Variants in SRPK2 observed in about 807,000 individuals in gnomAD.
The protein encoded by SRPK2 is SFRS protein kinase 2.
In SRPK2, 21 loss-of-function variants were observed where a neutral mutation model predicts 90.8. The ratio of observed to expected loss-of-function variants is 0.23; its 90% confidence interval spans 0.16 to 0.33. The LOEUF (loss-of-function observed/expected upper bound fraction) is 0.33, where lower values mean the gene tolerates loss of function less well. SRPK2 is among the 10% of genes least tolerant of loss of function. SRPK2 has a pLI of 1.00. For synonymous variants in SRPK2, 288 were observed against 311.1 expected (o/e 0.93, Z 0.78); for missense variants, 620 against 869.0 (o/e 0.71, Z 3.60).
chr7:105,330,820 A>C (rs868693660), intron 2 of SRPK2, among the ~76,000 whole-genome samples: 3 of 148,960 alleles, frequency 2.0e-5, no homozygotes, highest in African/African-American at 7.4e-5. Flanking sequence ...GTCTCTATTT[A>C]AAAAAAAAAG....
In SRPK2 at chr7:105,167,381, C is replaced by A. The variant is rs745479890; in HGVS notation, c.510G>T (p.Gly170=). 6.2e-7 allele frequency: 1 copy of A among 1,610,552 alleles called. No individual in the cohort carries two copies. The stretch of plus-strand genomic sequence containing the variant: ...AAATCAGGAAGTAAAGGATACGTAT[C>A]CCATTCATGCCTGAAATCTTGAAGT... ...IDDFKISGMN[G]IHVCMVFEVL... The change falls in exon 6 of 16, where the codon GGG becomes GGT. Residue 170 remains glycine, a synonymous_variant. Transcript: ENST00000393651.
intron 2 of SRPK2, chr7:105,301,883 A>C: frequency 2.5e-6 from 4 of 1,597,068 alleles, no homozygotes; most frequent in Non-Finnish European, 3.4e-6. Context: ...TAATTCCACA[A>C]CATCGATAAG....
chr7:105,346,526 C>T lies in SRPK2; in HGVS notation c.71+42122G>A, dbSNP rs529309491. Among the ~76,000 whole-genome samples the T allele has an allele frequency of 2.0e-3, 301 of 152,150 alleles. 2 individuals carry two copies. Among genetic ancestry groups the T allele is most frequent in the African/African-American group, 6.6e-3 (273 of 41,500 alleles). ...ATCCCAGCACTTTAGGAGGGCAAGG[C>T]GGGCGGATCACGAGGTCAGGAGTTC... On this transcript the variant is annotated intron_variant, in intron 2 of 15. Transcript: ENST00000393651.
intron 2 of SRPK2, among the ~76,000 whole-genome samples, chr7:105,269,513 T>C (rs1295049828): frequency 6.6e-6 from 1 of 152,164 alleles, no homozygotes; most frequent in Non-Finnish European, 1.5e-5. Flanking sequence ...TCCTTAGCAG[T>C]ACAGTACAAG....
intron 7 of SRPK2, among the ~76,000 whole-genome samples, chr7:105,151,893 G>A (rs1411505281): frequency 6.6e-6 from 1 of 151,852 alleles, no homozygotes; most frequent in Admixed American, 6.6e-5. Context: ...GCATGGTGGT[G>A]CATGCCTGTA....
chr7:105,255,442 G>C (rs563302234), intron 2 of SRPK2, among the ~76,000 whole-genome samples: 2 of 152,162 alleles, frequency 1.3e-5, no homozygotes, highest in South Asian at 4.1e-4. Flanking sequence ...ATATTTCCTG[G>C]GGGGAGGGTA....
downstream of SRPK2, chr7:105,116,290 T>TA (rs1354345487): frequency 6.6e-6 from 1 of 152,250 alleles, no homozygotes; most frequent in Non-Finnish European, 1.5e-5. Context: ...GCAACAGGAA[T>TA]GCTGGTATTT....
chr7:105,267,690 A>G lies in SRPK2; in HGVS notation c.72-63905T>C, dbSNP rs183817368. Among the ~76,000 whole-genome samples the G allele has an allele frequency of 1.2e-3, 187 of 152,340 alleles. 1 individual carries two copies. Among genetic ancestry groups the G allele is most frequent in the African/African-American group, 4.3e-3 (178 of 41,592 alleles). On this transcript the variant is annotated intron_variant, in intron 2 of 15. Transcript: ENST00000393651. ...TACTAATAAATCAATTTAAAATGATAATTTTACATCAGATTATGTCCTTCA... is the reference window on the plus strand; with the variant it reads ...TACTAATAAATCAATTTAAAATGATGATTTTACATCAGATTATGTCCTTCA...
At chr7:105,235,609 CCT>C (rs1399137653) in intron 2 of SRPK2, among the ~76,000 whole-genome samples, 3 of 152,138 alleles carry the variant, frequency 2.0e-5, no homozygotes, top group Admixed American at 6.6e-5. Flanking sequence ...ACAAATATAT[CCT>C]CTCTATATCA....
At chr7:105,351,818 AAGAAG>A (rs1428211102) in intron 2 of SRPK2, among the ~76,000 whole-genome samples, 5 of 131,210 alleles carry the variant, frequency 3.8e-5, no homozygotes, top group African/African-American at 2.0e-4. Flanking sequence ...AAAAAAAAAA[AAGAAG>A]AAGAAGAAGA....
At chr7:105,384,868 T>G (rs1195478425) in intron 2 of SRPK2, among the ~76,000 whole-genome samples, 10 of 148,008 alleles carry the variant, frequency 6.8e-5, no homozygotes, top group African/African-American at 9.9e-5. Flanking sequence ...CAATCTATTC[T>G]CCACATAGCA....
intron 2 of SRPK2, among the ~76,000 whole-genome samples, chr7:105,282,886 C>T (rs1352749177): frequency 7.9e-5 from 7 of 88,334 alleles, no homozygotes; most frequent in Admixed American, 1.2e-4. Flanking sequence ...TTGTAAATCA[C>T]GTAACTGATA....
At chr7:105,211,331 G>A (rs1448570882) in intron 2 of SRPK2, among the ~76,000 whole-genome samples, 1 of 152,056 alleles carries the variant, frequency 6.6e-6, no homozygotes, top group Non-Finnish European at 1.5e-5. Flanking sequence ...GGGAATAGGA[G>A]TATCTTATTC....
At chr7:105,282,283 C>T (rs189742855) in intron 2 of SRPK2, among the ~76,000 whole-genome samples, 1 of 152,146 alleles carries the variant, frequency 6.6e-6, no homozygotes, top group African/African-American at 2.4e-5. Context: ...GAGAATGAAG[C>T]CAGAGTTCCC....
At chr7:105,153,394 G>T (rs2237606) in intron 7 of SRPK2, among the ~76,000 whole-genome samples, 126,754 of 152,108 alleles carry the variant, frequency 0.83, 53,470 homozygotes, top group Non-Finnish European at 0.88. Flanking sequence ...CTCAAAGCTT[G>T]CTTTCTGTAC....
At chr7:105,376,071 G>A (rs1448854267) in intron 2 of SRPK2, among the ~76,000 whole-genome samples, 1 of 120,958 alleles carries the variant, frequency 8.3e-6, no homozygotes, top group Non-Finnish European at 1.6e-5. Context: ...TCAGCTCAAT[G>A]CAAGCTCCGC....
At chr7:105,157,902 T>C (rs1806769872) in intron 7 of SRPK2, among the ~76,000 whole-genome samples, 1 of 151,968 alleles carries the variant, frequency 6.6e-6, no homozygotes, top group Admixed American at 6.6e-5. Context: ...ACCCCGTCTC[T>C]ACAAAAAAAT....
At chr7:105,350,986 T>G (rs1201357069) in intron 2 of SRPK2, among the ~76,000 whole-genome samples, 1 of 152,158 alleles carries the variant, frequency 6.6e-6, no homozygotes, top group South Asian at 2.1e-4. Context: ...TGTGATATGA[T>G]TTGAATGTTT....
chr7:105,136,503 G>A lies in SRPK2; in HGVS notation c.1544-3399C>T, dbSNP rs192131309. Among the ~76,000 whole-genome samples the A allele has an allele frequency of 2.5e-3, 379 of 152,328 alleles. 1 individual carries two copies. Among genetic ancestry groups the A allele is most frequent in the African/African-American group, 8.8e-3 (365 of 41,578 alleles). On this transcript the variant is annotated intron_variant, in intron 11 of 15. Transcript: ENST00000393651. ...CAATTGCACTCTGCTTCCACTAAGA[G>A]GGGAATGAGTGGAAAGCTTTCACTT...
Sources: allele counts gnomAD v4.1 joint callset (sites outside exome capture counted in the v4.1 genomes callset), GRCh38; gene constraint gnomAD v4.1.1; transcripts MANE v1.5; gene names NCBI Gene and HGNC (gene_info 2026-07-23, HGNC 2026-07-21).